HHAT: variants seen among roughly 807,000 people sequenced by gnomAD.
The protein encoded by HHAT is protein-cysteine N-palmitoyltransferase HHAT.
A neutral mutation model predicts 70.8 loss-of-function variants in HHAT; 47 were observed. The ratio of observed to expected loss-of-function variants is 0.66; its 90% CI spans 0.53 to 0.85. HHAT has a LOEUF of 0.85. Ranked by LOEUF, HHAT falls within the 40% of genes least tolerant of loss-of-function variation. The probability of loss-of-function intolerance (pLI) is 0.00; values close to 1 mark genes in which losing one functional copy is unlikely to be tolerated. For synonymous variants in HHAT, 228 were observed against 247.6 expected, an observed-to-expected ratio of 0.92 and a Z score of 0.74; for missense variants, 609 against 604.8, an observed-to-expected ratio of 1.01 and a Z score of -0.07.
chr1:210,430,560 T>C (rs1337780889), intron 7 of HHAT, among the ~76,000 whole-genome samples: 2 of 151,926 alleles, frequency 1.3e-5, no homozygotes, highest in Admixed American at 1.3e-4. Context: ...ATGAAGATCA[T>C]AGTTTCTAAT....
intron 7 of HHAT, among the ~76,000 whole-genome samples, chr1:210,421,795 A>G (rs2092912296): frequency 6.6e-6 from 1 of 152,068 alleles, no homozygotes; most frequent in Admixed American, 6.6e-5. Flanking sequence ...CATTTTTCTA[A>G]TGGGATTTCT....
At chr1:210,462,693 T>G (rs1395010507) in intron 7 of HHAT, 1 of 153,260 alleles carries the variant, frequency 6.5e-6, no homozygotes, top group East Asian at 1.9e-4. Flanking sequence ...TCCTGGGGGT[T>G]TCTCCTTGTA....
At chr1:210,561,177 C>T (rs2095619995) in intron 9 of HHAT, among the ~76,000 whole-genome samples, 2 of 152,100 alleles carry the variant, frequency 1.3e-5, no homozygotes, top group Non-Finnish European at 1.5e-5. Flanking sequence ...ATCATGGCCT[C>T]GAGGTGATCT....
At position 210,646,517 on chromosome 1, in the gene HHAT, A is replaced by G. The variant is rs568323318; in HGVS notation, c.1390+22847A>G. Among the ~76,000 whole-genome samples the G allele has an allele frequency of 1.1e-4, 16 of 152,304 alleles. No homozygotes were observed. The South Asian group carries it at 3.1e-3, about 30-fold the overall frequency. ...AGACAAAAGCCCGTAAGACAAGAAG[A>G]CACTGAATCCTATTTCTTGCTTTTA... On this transcript the variant is annotated intron_variant, in intron 11 of 11. Transcript: ENST00000261458.
intron 7 of HHAT, among the ~76,000 whole-genome samples, chr1:210,459,794 C>A (rs2093943429): frequency 6.6e-6 from 1 of 152,240 alleles, no homozygotes; most frequent in African/African-American, 2.4e-5. Flanking sequence ...CGCTGAATAA[C>A]AAACCATCTA....
At chr1:210,592,879 C>CTTT (rs35245794) in intron 10 of HHAT, among the ~76,000 whole-genome samples, 14 of 145,426 alleles carry the variant, frequency 9.6e-5, no homozygotes, top group East Asian at 2.0e-4. Flanking sequence ...ACCAACTTTT[C>CTTT]TTTTTTTTTT....
intron 11 of HHAT, among the ~76,000 whole-genome samples, chr1:210,659,746 A>G (rs1448455156): frequency 6.6e-6 from 1 of 152,242 alleles, no homozygotes; most frequent in Non-Finnish European, 1.5e-5. Context: ...CATCTCTGGG[A>G]TGCAAGGCTG....
chr1:210,506,535 C>T (rs1023652033), intron 8 of HHAT, among the ~76,000 whole-genome samples: 7 of 152,060 alleles, frequency 4.6e-5, no homozygotes, highest in Admixed American at 6.5e-5. Context: ...GTACAGGATC[C>T]GTGTTCCTTA....
Position 210,616,565 on chromosome 1 carries a change from A to G in HHAT, c.1246-6961A>G, listed in dbSNP as rs142554165. ...ATCTGCCAACCATTGTTAGTGGGATACATGCACGACATATTTGTTGAACAA... is the reference window on the plus strand; with the variant it reads ...ATCTGCCAACCATTGTTAGTGGGATGCATGCACGACATATTTGTTGAACAA... On this transcript the variant is annotated intron_variant, in intron 10 of 11. Transcript: ENST00000261458. Among the ~76,000 whole-genome samples, 399 of 152,326 alleles carry G rather than the reference A, an allele frequency of 2.6e-3. 2 individuals carry two copies. Among genetic ancestry groups the G allele is most frequent in the African/African-American group, 9.0e-3 (373 of 41,578 alleles).
intron 1 of HHAT, among the ~76,000 whole-genome samples, chr1:210,340,242 GAAAAAAA>G (rs57007952): frequency 0.31 from 30,827 of 99,766 alleles, 4,166 homozygotes; most frequent in South Asian, 0.38. Context: ...CTCTGTCTCA[GAAAAAAA>G]AAAAAAAAAA....
intron 2 of HHAT, among the ~76,000 whole-genome samples, chr1:210,353,943 G>C (rs1161510348): frequency 1.3e-5 from 2 of 152,036 alleles, no homozygotes; most frequent in Non-Finnish European, 2.9e-5. Flanking sequence ...AATGTGTTTG[G>C]ATTGTTGATT....
rs1193232311 is a variant in HHAT, at chr1:210,549,126, A to AGATAAAACTTTATCATCACAAGGAAC, written c.1043+35938_1043+35939insGATAAAACTTTATCATCACAAGGAAC. Among the ~76,000 whole-genome samples, 26 of 131,936 alleles carry AGATAAAACTTTATCATCACAAGGAAC rather than the reference A, an allele frequency of 2.0e-4. No individual in the cohort carries two copies. In the East Asian group the frequency reaches 2.4e-3, roughly 12 times the overall value. The allele number at this position is 131,936 out of a possible 152,430, so 86.6% of individuals were successfully genotyped here. A position where few individuals can be genotyped will look rare whatever the true frequency, so the allele number is the denominator to read the frequency against. On this transcript the variant is annotated intron_variant, in intron 9 of 11. Coordinates refer to ENST00000261458, the MANE Select transcript of HHAT (RefSeq NM_018194.6). ...TTTGCTCACCTGTAAAATTGGGATA[A>AGATAAAACTTTATCATCACAAGGAAC]TAACGGCATTTACCTTGTAGGGTTG...
At chr1:210,632,652 C>T (rs931363568) in intron 11 of HHAT, among the ~76,000 whole-genome samples, 1 of 152,172 alleles carries the variant, frequency 6.6e-6, no homozygotes, top group Non-Finnish European at 1.5e-5. Flanking sequence ...TCTATGTCTG[C>T]GTTCGATTTT....
intron 2 of HHAT, among the ~76,000 whole-genome samples, chr1:210,356,383 CT>C (rs201311670): frequency 3.3e-5 from 5 of 150,298 alleles, no homozygotes; most frequent in South Asian, 2.1e-4. Context: ...ATGTCACAGG[CT>C]TTTTTTTTCA....
At chr1:210,355,291 G>A (rs2087495824) in intron 2 of HHAT, among the ~76,000 whole-genome samples, 1 of 152,104 alleles carries the variant, frequency 6.6e-6, no homozygotes, top group Admixed American at 6.6e-5. Context: ...GCTTTGCTAG[G>A]ACATCTAGAA....
chr1:210,493,528 A>T (rs1326542472), intron 8 of HHAT, among the ~76,000 whole-genome samples: 2 of 152,162 alleles, frequency 1.3e-5, no homozygotes, highest in African/African-American at 4.8e-5. Context: ...TTTTGAAAAT[A>T]CCTTACCTGC....
chr1:210,451,107 AAG>A (rs2093747903), intron 7 of HHAT, among the ~76,000 whole-genome samples: 1 of 150,936 alleles, frequency 6.6e-6, no homozygotes, highest in South Asian at 2.1e-4. Context: ...AAAAAAAAAA[AAG>A]TTGTTTGTAG....
chr1:210,626,835 C>T (rs754390821), intron 11 of HHAT, among the ~76,000 whole-genome samples: 24 of 152,004 alleles, frequency 1.6e-4, no homozygotes, highest in Non-Finnish European at 2.8e-4. Flanking sequence ...ATCTGAATTC[C>T]GAAACTCATC....
intron 6 of HHAT, among the ~76,000 whole-genome samples, chr1:210,410,410 T>A (rs947153241): frequency 6.7e-6 from 1 of 149,398 alleles, no homozygotes; most frequent in Non-Finnish European, 1.5e-5. Context: ...TGGACTGTAA[T>A]AATGATATGA....
Sources: allele counts gnomAD v4.1 joint callset (sites outside exome capture counted in the v4.1 genomes callset), GRCh38; gene constraint gnomAD v4.1.1; transcripts MANE v1.5; gene names NCBI Gene and HGNC (gene_info 2026-07-23, HGNC 2026-07-21).